GRHL1: variants seen among roughly 807,000 people sequenced by gnomAD.
The protein encoded by GRHL1 is grainyhead-like protein 1 homolog.
In GRHL1, 38 loss-of-function variants were observed where a neutral mutation model predicts 75.7. The observed-to-expected ratio is 0.50, with a 90% CI of 0.39 to 0.66. The LOEUF is 0.66. Among genes scored for constraint, GRHL1 ranks in the 30% least tolerant of loss-of-function variants. The pLI, the probability that GRHL1 is intolerant of heterozygous loss-of-function variation, is 0.00. For missense variants in GRHL1, 589 were observed against 767.5 expected (o/e 0.77, Z 2.75); for synonymous variants, 266 against 279.4 (o/e 0.95, Z 0.48).
At position 9,995,934 on chromosome 2, in the gene GRHL1, T is replaced by C. The variant is rs768994106; in HGVS notation, c.1555T>C (p.Ser519Pro). ...GTEDDFAVPP[S>P]TKLARIEEPK... The stretch of plus-strand genomic sequence containing the variant: ...AGAAGATGACTTTGCTGTCCCTCCT[T>C]CTACCAAGCTGGCCCGGATAGAAGA... The change falls in exon 13 of 16, where the codon TCT becomes CCT. Residue 519 changes from serine to proline, a missense_variant. This residue lies in a region of GRHL1 where 192 missense variants were observed against 226.6 expected (regional missense o/e 0.85). Coordinates refer to ENST00000324907, the MANE Select transcript of GRHL1 (RefSeq NM_198182.3). 22 of 1,612,810 alleles carry C rather than the reference T, an allele frequency of 1.4e-5. No homozygotes were observed. The highest frequency in any genetic ancestry group is 1.7e-5 in the Non-Finnish European group (20 of 1,178,720).
chr2:9,972,106 G>T (rs1297188863), intron 8 of GRHL1, among the ~76,000 whole-genome samples: 1 of 152,076 alleles, frequency 6.6e-6, no homozygotes, highest in Non-Finnish European at 1.5e-5. Flanking sequence ...CTTTAGTTTG[G>T]TAGTGAAACT....
At chr2:9,997,209 G>A (rs891876270) in intron 14 of GRHL1, among the ~76,000 whole-genome samples, 2 of 152,204 alleles carry the variant, frequency 1.3e-5, no homozygotes, top group East Asian at 1.9e-4. Flanking sequence ...AGTTATGCGC[G>A]TCAGTGACAC....
intron 14 of GRHL1, among the ~76,000 whole-genome samples, chr2:9,997,176 CCAGGCACTGTGG>C (rs2125247782): frequency 6.6e-6 from 1 of 152,280 alleles, no homozygotes; most frequent in South Asian, 2.1e-4. Context: ...TTGCTTCATG[CCAGGCACTGTGG>C]CGGGCACTGG....
At chr2:9,960,831 T>A (rs1202261589) in intron 3 of GRHL1, 1 of 516,896 alleles carries the variant, frequency 1.9e-6, no homozygotes, top group Non-Finnish European at 3.4e-6. Flanking sequence ...CCTTAGTATT[T>A]CGAATGAAAT....
At position 9,993,212 on chromosome 2, in the gene GRHL1, T is replaced by G. The variant is rs1668719991; in HGVS notation, c.1467T>G (p.Leu489=). The change falls in exon 12 of 16, where the codon CTT becomes CTG. Residue 489 remains leucine, a synonymous_variant. Coordinates refer to ENST00000324907, the MANE Select transcript of GRHL1 (RefSeq NM_198182.3). ...FANLQRGTHV[L]PIASEELEGE... ...ATCTATTCCTTTGGTCTTAGGTCCT[T>G]CCCATTGCCTCTGAAGAATTGGAGG... 2 of 1,609,516 alleles carry G rather than the reference T, an allele frequency of 1.2e-6. No homozygotes were observed. Among genetic ancestry groups the G allele is most frequent in the Admixed American group, 1.7e-5 (1 of 60,010 alleles).
chr2:9,972,852 T>C lies in GRHL1; in HGVS notation c.1110+7471T>C, dbSNP rs530455804. Among the ~76,000 whole-genome samples, 4 of 152,336 alleles carry C rather than the reference T, an allele frequency of 2.6e-5. No homozygotes were observed. The South Asian group carries it at 8.3e-4, about 32-fold the overall frequency. On this transcript the variant is annotated intron_variant, in intron 8 of 15. Coordinates refer to ENST00000324907, the MANE Select transcript of GRHL1 (RefSeq NM_198182.3). Reference sequence around the variant, plus strand: ...GACCGTGACACAGGGGAGAACCGTGTGCAGGTACCTCCAGAGTGGTTTTTT... The same window carrying C: ...GACCGTGACACAGGGGAGAACCGTGCGCAGGTACCTCCAGAGTGGTTTTTT...
chr2:9,990,656 T>G lies in GRHL1; in HGVS notation c.1270-40T>G, dbSNP rs774092862. ...AAGAGTTAAATATTTTAAAGAAGAT[T>G]GGAAAACAGAATCATATCTTGTCTT... is the stretch of plus-strand genomic sequence containing the variant. On this transcript the variant is annotated intron_variant, in intron 9 of 15. Coordinates refer to ENST00000324907, the MANE Select transcript of GRHL1 (RefSeq NM_198182.3). This position sits in a 1 kb window ranked among gnomAD's most constrained non-coding sequence, Gnocchi z 4.2. 1.5e-6 allele frequency: 2 copies of G among 1,320,936 alleles called. No homozygotes were observed. The highest frequency in any genetic ancestry group is 2.5e-5 in the South Asian group (2 of 78,534). 81.8% of individuals were successfully genotyped at this position (1,320,936 alleles called of 1,614,324 possible). A position where few individuals can be genotyped will look rare whatever the true frequency, so the allele number is the denominator to read the frequency against.
chr2:9,998,608 A>G lies in GRHL1; in HGVS notation c.1678-357A>G, dbSNP rs865883312. On this transcript the variant is annotated intron_variant, in intron 14 of 15. Transcript: ENST00000324907. ...TACATATATATGTACACATATATATATACATATATATGTACACATATACAT... is the reference window on the plus strand; with the variant it reads ...TACATATATATGTACACATATATATGTACATATATATGTACACATATACAT... Among the ~76,000 whole-genome samples the G allele has an allele frequency of 1.4e-3, 75 of 54,824 alleles. 15 individuals are homozygous for G. The highest frequency in any genetic ancestry group is 1.4e-3 in the Non-Finnish European group (48 of 33,366). The allele number at this position is 54,824 out of a possible 152,430, so 36.0% of individuals were successfully genotyped here. A position where few individuals can be genotyped will look rare whatever the true frequency, so the allele number is the denominator to read the frequency against.
chr2:9,998,501 C>CATATATATATACATATATACGT (rs1553306855), intron 14 of GRHL1, among the ~76,000 whole-genome samples: 1 of 6,892 alleles, frequency 1.5e-4, no homozygotes, highest in Non-Finnish European at 2.3e-4. Flanking sequence ...CGTATATATA[C>CATATATATATACATATATACGT]ATATATATAC....
Position 9,999,031 on chromosome 2 carries a change from TA to T in GRHL1, c.1742+4del. 1 of 1,542,274 alleles carries T rather than the reference TA, an allele frequency of 6.5e-7. No individual in the cohort carries two copies. The highest frequency in any genetic ancestry group is 1.8e-5 in the Admixed American group (1 of 55,462). The stretch of plus-strand genomic sequence containing the variant: ...AATATTCAAGAAGTGTAAAAAGGGG[TA>T]AGCAGCCACTGCGTCCTGTGTACCT... On this transcript the variant is annotated splice_donor_region_variant and intron_variant, in intron 15 of 15. Coordinates refer to ENST00000324907, the MANE Select transcript of GRHL1 (RefSeq NM_198182.3).
Position 9,951,731 on chromosome 2 carries a change from C to A in GRHL1, c.-103C>A. The A allele has an allele frequency of 5.3e-6, 6 of 1,137,030 alleles. No homozygotes were observed. Among genetic ancestry groups the A allele is most frequent in the Non-Finnish European group, 7.4e-6 (6 of 813,982 alleles). 70.4% of individuals were successfully genotyped at this position (1,137,030 alleles called of 1,614,324 possible). A position where few individuals can be genotyped will look rare whatever the true frequency, so the allele number is the denominator to read the frequency against. The stretch of plus-strand genomic sequence containing the variant: ...CAAACCCAACCCGTCGGGGCCGCCG[C>A]TCCGGACCCGCAGCCGCCGCCGCCG... On this transcript the variant is annotated 5_prime_UTR_variant, in exon 1 of 16. Transcript: ENST00000324907. The surrounding 1 kb of genome is among the most constrained non-coding windows in gnomAD (Gnocchi z 4.2).
At chr2:9,953,155 C>T (rs1336560869) in intron 1 of GRHL1, 13 of 444,706 alleles carry the variant, frequency 2.9e-5, no homozygotes, top group Non-Finnish European at 5.0e-5. Context: ...TATGAAACAC[C>T]TTCAGGGTGA....
In GRHL1 at chr2:10,000,186, A is replaced by T. The variant is rs752022373; in HGVS notation, c.1743-407A>T. Among the ~76,000 whole-genome samples, 24 of 152,296 alleles carry T rather than the reference A, an allele frequency of 1.6e-4. 1 individual carries two copies. Among genetic ancestry groups the T allele is most frequent in the African/African-American group, 5.8e-4 (24 of 41,558 alleles). ...TTTTCTGTAGAAATGGGATCTTGCT[A>T]TGTTATCCAGGCTGGTCTCAAACTC... On this transcript the variant is annotated intron_variant, in intron 15 of 15. Transcript: ENST00000324907.
intron 8 of GRHL1, among the ~76,000 whole-genome samples, chr2:9,985,923 G>T (rs1668397893): frequency 1.3e-5 from 2 of 152,128 alleles, no homozygotes; most frequent in Non-Finnish European, 2.9e-5. Flanking sequence ...CCTCTTTAAG[G>T]TCTGCTATTT....
chr2:9,975,383 C>T (rs1307073910), intron 8 of GRHL1, among the ~76,000 whole-genome samples: 1 of 152,238 alleles, frequency 6.6e-6, no homozygotes, highest in African/African-American at 2.4e-5. Flanking sequence ...GGGTTTATCT[C>T]TACCCTGGCA....
rs1257813433 is a variant in GRHL1, at chr2:9,987,099, C to T, written c.1269+817C>T. Among the ~76,000 whole-genome samples the T allele has an allele frequency of 6.6e-6, 1 of 152,050 alleles. No individual in the cohort carries two copies. Among genetic ancestry groups the T allele is most frequent in the East Asian group, 1.9e-4 (1 of 5,178 alleles). Reference sequence around the variant, plus strand: ...GTTCAAATGATTCTTGTGCCTCAGCCTCTCCAGTAGCTGGGATTACAGATG... The same window carrying T: ...GTTCAAATGATTCTTGTGCCTCAGCTTCTCCAGTAGCTGGGATTACAGATG... On this transcript the variant is annotated intron_variant, in intron 9 of 15. Transcript: ENST00000324907. The surrounding 1 kb of genome is among the most constrained non-coding windows in gnomAD (Gnocchi z 4.2).
At chr2:9,955,797 C>T (rs540490216) in intron 2 of GRHL1, among the ~76,000 whole-genome samples, 3 of 152,338 alleles carry the variant, frequency 2.0e-5, no homozygotes, top group Non-Finnish European at 4.4e-5. Flanking sequence ...GGTCCATGGC[C>T]GAGGCCACTG....
chr2:9,994,057 G>C (rs974305946), intron 12 of GRHL1, among the ~76,000 whole-genome samples: 1 of 144,706 alleles, frequency 6.9e-6, no homozygotes, highest in Non-Finnish European at 1.5e-5. Flanking sequence ...CCTAGTGGAG[G>C]GGGGCTGACG....
At chr2:9,985,962 C>A (rs1668400104) in intron 8 of GRHL1, among the ~76,000 whole-genome samples, 162 bp from the exon 9 acceptor site, 1 of 152,166 alleles carries the variant, frequency 6.6e-6, no homozygotes, top group South Asian at 2.1e-4. Flanking sequence ...TTAAAATAAA[C>A]CCCTGATCAC....
Sources: allele counts gnomAD v4.1 joint callset (sites outside exome capture counted in the v4.1 genomes callset), GRCh38; gene constraint gnomAD v4.1.1; regional missense constraint gnomAD v4.1.1; non-coding constraint Gnocchi (gnomAD v3.1); transcripts MANE v1.5; gene names NCBI Gene and HGNC (gene_info 2026-07-23, HGNC 2026-07-21).